The following GPR15LG variants were observed in gnomAD, a reference collection of about 807,000 sequenced individuals.
GPR15LG encodes the protein protein GPR15LG.
At chr10:84,183,025 G>GA in the GPR15LG span, among the ~76,000 whole-genome samples, 222 of 142,536 alleles carry the variant, frequency 1.6e-3, no homozygotes, top group Middle Eastern at 0.011. Context: ...CTTACCAATA[G>GA]AAAAAAAAAA....
At chr10:84,181,186 G>GGAGGGAGAGGGA in the GPR15LG span, among the ~76,000 whole-genome samples, 606 of 120,944 alleles carry the variant, frequency 5.0e-3, 16 homozygotes, top group African/African-American at 0.02. Flanking sequence ...CGTGCAAAGA[G>GGAGGGAGAGGGA]GAGGGAGAGG....
At chr10:84,181,244 T>TA in the GPR15LG span, among the ~76,000 whole-genome samples, 1 of 150,580 alleles carries the variant, frequency 6.6e-6, no homozygotes, top group Non-Finnish European at 1.5e-5. Flanking sequence ...AATTAAATTT[T>TA]TTTTTTTTTT....
chr10:84,184,973 C>T, the GPR15LG span: 1 of 1,408,274 alleles, frequency 7.1e-7, no homozygotes, highest in Non-Finnish European at 9.2e-7. Flanking sequence ...CTATCATGAG[C>T]CAACCTCACC....
At chr10:84,184,090 C>T in the GPR15LG span, among the ~76,000 whole-genome samples, 1 of 150,044 alleles carries the variant, frequency 6.7e-6, no homozygotes, top group Non-Finnish European at 1.5e-5. Flanking sequence ...GAGGCTGAGG[C>T]AGGAGGATAG....
the GPR15LG span, among the ~76,000 whole-genome samples, chr10:84,182,333 C>T: frequency 6.6e-6 from 1 of 152,250 alleles, no homozygotes; most frequent in African/African-American, 2.4e-5. Flanking sequence ...GCCATAGCTG[C>T]AGAACAACCC....
At chr10:84,183,035 A>C in the GPR15LG span, among the ~76,000 whole-genome samples, 2 of 152,054 alleles carry the variant, frequency 1.3e-5, no homozygotes, top group Non-Finnish European at 2.9e-5. Flanking sequence ...GAAAAAAAAA[A>C]ACAGAAAAAC....
the GPR15LG span, among the ~76,000 whole-genome samples, chr10:84,181,689 A>G: frequency 1.3e-5 from 2 of 152,134 alleles, no homozygotes; most frequent in African/African-American, 4.8e-5. Context: ...CCAAAGTGCT[A>G]AAGCGCTGGG....
At chr10:84,173,816 C>G in the GPR15LG span, 1 of 1,500,604 alleles carries the variant, frequency 6.7e-7, no homozygotes, top group Admixed American at 1.7e-5. Flanking sequence ...TGCAGCACAG[C>G]TCCCTTCCCA....
At chr10:84,174,036 G>C in the GPR15LG span, 3 of 812,882 alleles carry the variant, frequency 3.7e-6, no homozygotes, top group Non-Finnish European at 2.1e-6. Context: ...AGGCAGTCCT[G>C]AGCCCCGGAA....
the GPR15LG span, chr10:84,176,423 C>T: frequency 2.4e-6 from 3 of 1,245,694 alleles, no homozygotes; most frequent in South Asian, 1.2e-5. Flanking sequence ...GAAGGGGAAG[C>T]TCACTCACAG....
chr10:84,176,941 G>A, the GPR15LG span, among the ~76,000 whole-genome samples: 2 of 152,042 alleles, frequency 1.3e-5, no homozygotes, highest in African/African-American at 4.8e-5. Context: ...AGGGTGAAGG[G>A]CAAGAGTGGG....
chr10:84,184,989 G>C, the GPR15LG span: 2 of 1,383,380 alleles, frequency 1.4e-6, no homozygotes, highest in African/African-American at 1.5e-5. Context: ...TCACCCCACA[G>C]GGCCTCAGTC....
the GPR15LG span, among the ~76,000 whole-genome samples, chr10:84,178,493 GAC>G: frequency 6.7e-6 from 1 of 149,358 alleles, no homozygotes; most frequent in Non-Finnish European, 1.5e-5. Context: ...TATACACACA[GAC>G]ACACACACAA....
chr10:84,184,585 AACTT>A, the GPR15LG span: 1 of 1,238,018 alleles, frequency 8.1e-7, no homozygotes, highest in Non-Finnish European at 1.2e-6. Context: ...TTGAAAATGC[AACTT>A]AATTGTGTTT....
the GPR15LG span, among the ~76,000 whole-genome samples, chr10:84,181,920 G>A: frequency 1.3e-5 from 2 of 152,318 alleles, no homozygotes; most frequent in Admixed American, 6.5e-5. Flanking sequence ...GCATCCTGGG[G>A]CCACGGTGAA....
chr10:84,179,470 G>A, the GPR15LG span, among the ~76,000 whole-genome samples: 3 of 152,232 alleles, frequency 2.0e-5, no homozygotes, highest in Admixed American at 1.3e-4. Flanking sequence ...GATTCAGCAA[G>A]GAGGGAGATG....
chr10:84,182,994 C>G, the GPR15LG span, among the ~76,000 whole-genome samples: 41 of 150,944 alleles, frequency 2.7e-4, no homozygotes, highest in Admixed American at 1.5e-3. Context: ...CTAGGATTAT[C>G]ACTATGGGAA....
At chr10:84,178,976 G>T in the GPR15LG span, among the ~76,000 whole-genome samples, 1 of 152,146 alleles carries the variant, frequency 6.6e-6, no homozygotes, top group Non-Finnish European at 1.5e-5. Context: ...AGAAACTGAG[G>T]CAGAGTCAGA....
the GPR15LG span, chr10:84,176,342 T>A: frequency 5.7e-6 from 4 of 700,392 alleles, no homozygotes; most frequent in South Asian, 6.1e-5. Flanking sequence ...GCCCACTCTT[T>A]CCCTAGGACC....
Sources: allele counts gnomAD v4.1 joint callset (sites outside exome capture counted in the v4.1 genomes callset), GRCh38; gene constraint gnomAD v4.1.1; transcripts MANE v1.5; gene names NCBI Gene and HGNC (gene_info 2026-07-23, HGNC 2026-07-21).